CAMK2D: variants seen among roughly 807,000 people sequenced by gnomAD.
The protein encoded by CAMK2D is calcium/calmodulin-dependent protein kinase type II subunit delta.
CAMK2D carries 37 observed loss-of-function variants against 84.0 expected under a neutral mutation model. The ratio of observed to expected loss-of-function variants is 0.44; its 90% CI spans 0.34 to 0.58. The LOEUF (loss-of-function observed/expected upper bound fraction) is 0.58. Among genes scored for constraint, CAMK2D ranks in the 20% least tolerant of loss-of-function variants. The pLI is 0.02. For missense variants in CAMK2D, 448 were observed against 652.5 expected (o/e 0.69, Z 3.41); for synonymous variants, 202 against 212.5 (o/e 0.95, Z 0.43).
intron 6 of CAMK2D, among the ~76,000 whole-genome samples, chr4:113,544,962 T>C (rs1474434270): frequency 6.6e-6 from 1 of 152,212 alleles, no homozygotes; most frequent in Admixed American, 6.5e-5. Flanking sequence ...GTCTTGATTA[T>C]AGGTCCTCAT....
intron 3 of CAMK2D, among the ~76,000 whole-genome samples, chr4:113,631,502 T>C (rs1342791905): frequency 6.6e-6 from 1 of 152,204 alleles, no homozygotes; most frequent in East Asian, 1.9e-4. Context: ...TGTGAGAATC[T>C]GCTAGCTAGT....
intron 3 of CAMK2D, among the ~76,000 whole-genome samples, chr4:113,654,832 A>G (rs2099191524): frequency 6.6e-6 from 1 of 151,874 alleles, no homozygotes; most frequent in Non-Finnish European, 1.5e-5. Context: ...CAATATTACA[A>G]TTATCTGATT....
At chr4:113,457,095 G>C in intron 19 of CAMK2D, 1 of 915,436 alleles carries the variant, frequency 1.1e-6, no homozygotes. Context: ...TGATCACGTA[G>C]TCTCTCGTCC....
In CAMK2D at chr4:113,619,480, G is replaced by A. The variant is rs960700893; in HGVS notation, c.221-10274C>T. 6.6e-5 allele frequency among the ~76,000 whole-genome samples: 10 copies of A among 151,994 alleles called. No individual in the cohort carries two copies. In the East Asian group the frequency reaches 7.7e-4, roughly 12 times the overall value. On this transcript the variant is annotated intron_variant, in intron 3 of 20. Transcript: ENST00000511664. The stretch of plus-strand genomic sequence containing the variant: ...CCATTCATGGCCTAAAAGGTCCCTC[G>A]CTCCACCCTCATTATCCCCCTAACC...
intron 3 of CAMK2D, among the ~76,000 whole-genome samples, chr4:113,621,346 T>G (rs2099045411): frequency 6.6e-6 from 1 of 152,206 alleles, no homozygotes; most frequent in Admixed American, 6.5e-5. Flanking sequence ...AGATACATTT[T>G]AAATGTTCTC....
chr4:113,752,070 G>C (rs1358026987), intron 2 of CAMK2D, among the ~76,000 whole-genome samples: 1 of 151,698 alleles, frequency 6.6e-6, no homozygotes, highest in African/African-American at 2.4e-5. Flanking sequence ...ATAAAAAGAG[G>C]TTTCTCTCCT....
chr4:113,709,746 G>GATATATACATACATAT (rs1298341709), intron 2 of CAMK2D, among the ~76,000 whole-genome samples: 3 of 49,824 alleles, frequency 6.0e-5, no homozygotes, highest in African/African-American at 3.4e-4. Flanking sequence ...AGCCGTGAAC[G>GATATATACATACATAT]ATATATATAT....
chr4:113,562,718 T>C (rs183976731), intron 4 of CAMK2D, among the ~76,000 whole-genome samples: 28 of 152,354 alleles, frequency 1.8e-4, no homozygotes, highest in Non-Finnish European at 1.5e-5. Flanking sequence ...CAATTGTTCA[T>C]TGAATCAAAA....
In CAMK2D at chr4:113,609,231, A is replaced by T. The variant is rs746735244; in HGVS notation, c.221-25T>A. The T allele has an allele frequency of 3.8e-6, 5 of 1,302,844 alleles. No individual in the cohort carries two copies. In the African/African-American group the frequency reaches 7.2e-5, roughly 19 times the overall value. 80.7% of individuals were successfully genotyped at this position (1,302,844 alleles called of 1,614,324 possible). On this transcript the variant is annotated intron_variant, in intron 3 of 20. Transcript: ENST00000511664. ...ACTAGAAAAAAATAAGAGAAGAAAA[A>T]TTGTGTTATACCTATTCCAACGATC...
intron 2 of CAMK2D, chr4:113,754,726 AG>A: frequency 1.0e-6 from 1 of 980,032 alleles, no homozygotes; most frequent in Non-Finnish European, 1.2e-6. Context: ...TCTGAAGAGC[AG>A]TAATGCTTTC....
intron 2 of CAMK2D, among the ~76,000 whole-genome samples, chr4:113,752,943 T>C (rs145720658): frequency 6.6e-6 from 1 of 152,216 alleles, no homozygotes; most frequent in African/African-American, 2.4e-5. Context: ...TAAGGCATAG[T>C]GCTTTGTATG....
intron 2 of CAMK2D, among the ~76,000 whole-genome samples, chr4:113,693,568 G>GA (rs1344910101): frequency 6.6e-6 from 1 of 152,116 alleles, no homozygotes; most frequent in Non-Finnish European, 1.5e-5. Flanking sequence ...CCTTCTCTTT[G>GA]TGTCTAATTG....
At chr4:113,509,503 C>T in intron 13 of CAMK2D, 135 bp downstream of exon 13, 1 of 621,596 alleles carries the variant, frequency 1.6e-6, no homozygotes, top group Non-Finnish European at 2.9e-6. Flanking sequence ...TAAATCATTT[C>T]ATATTTCAAC....
intron 3 of CAMK2D, among the ~76,000 whole-genome samples, chr4:113,654,724 T>A (rs1247342038): frequency 1.3e-5 from 2 of 152,002 alleles, no homozygotes; most frequent in African/African-American, 4.8e-5. Flanking sequence ...AACTGTGACT[T>A]TGGACAAATC....
intron 4 of CAMK2D, among the ~76,000 whole-genome samples, chr4:113,567,116 C>T (rs1472236727): frequency 1.3e-5 from 2 of 151,752 alleles, no homozygotes; most frequent in East Asian, 1.9e-4. Flanking sequence ...GAACATTATA[C>T]ATGTTCAGAC....
At chr4:113,466,585 A>G (rs2097472676) in intron 16 of CAMK2D, among the ~76,000 whole-genome samples, 2 of 152,338 alleles carry the variant, frequency 1.3e-5, no homozygotes, top group Middle Eastern at 3.4e-3. Context: ...TGAAGAAGTG[A>G]CATATGAATC....
intron 8 of CAMK2D, among the ~76,000 whole-genome samples, chr4:113,526,611 T>G (rs2098420008): frequency 6.6e-6 from 1 of 152,178 alleles, no homozygotes; most frequent in South Asian, 2.1e-4. Context: ...TCTCTCACAT[T>G]TCACAGATAT....
intron 2 of CAMK2D, among the ~76,000 whole-genome samples, chr4:113,714,462 A>C (rs1480814261): frequency 6.6e-6 from 1 of 152,130 alleles, no homozygotes; most frequent in Non-Finnish European, 1.5e-5. Flanking sequence ...ATGCCATCCC[A>C]AAATACACCA....
chr4:113,684,684 T>C (rs2099354659), intron 2 of CAMK2D, among the ~76,000 whole-genome samples: 1 of 152,176 alleles, frequency 6.6e-6, no homozygotes, highest in Non-Finnish European at 1.5e-5. Context: ...TCTCAGTTAC[T>C]GGAAAAGCTT....
Sources: gnomAD v4.1 joint callset for allele counts (sites outside exome capture counted in the v4.1 genomes callset) on GRCh38, gnomAD v4.1.1 for gene constraint, MANE v1.5 for transcripts, NCBI Gene and HGNC (gene_info 2026-07-23, HGNC 2026-07-21) for gene names.